Variants in PCM1 observed in about 807,000 individuals in gnomAD.
PCM1 encodes the protein pericentriolar material 1, also known as pericentriolar material 1 protein.
PCM1 carries 157 observed loss-of-function variants against 241.9 expected under a neutral mutation model. That is an observed-to-expected ratio of 0.65 (90% CI 0.57 to 0.74). The LOEUF (loss-of-function observed/expected upper bound fraction) is 0.74. PCM1 is among the 30% of genes least tolerant of loss of function. The pLI, the probability that PCM1 is intolerant of heterozygous loss-of-function variation, is 0.00. For missense variants in PCM1, 3,478 were observed against 2,360.1 expected (o/e 1.47, Z -9.81); for synonymous variants, 1,085 against 784.9 (o/e 1.38, Z -6.39).
intron 36 of PCM1, 165 bp from the exon 37 acceptor site, chr8:18,025,196 A>T: frequency 5.3e-6 from 1 of 189,816 alleles, no homozygotes; most frequent in Non-Finnish European, 9.3e-6. Context: ...CACAGCTGTG[A>T]TTGTAGCTTT....
rs1197059299 is a variant in PCM1 at position 18,006,234 on chromosome 8, A to G, written c.4828-29A>G. ...CTTTTTTTAAACAATAGGTAAGTTT[A>G]TATTCTAACCAACTAGGATTTTTCT... On this transcript the variant is annotated intron_variant, in intron 29 of 38. Coordinates refer to ENST00000325083, the MANE Select transcript of PCM1 (RefSeq NM_006197.4). The G allele has an allele frequency of 5.8e-6, 9 of 1,551,532 alleles. No homozygotes were observed. In the East Asian group the frequency reaches 2.1e-4, roughly 35 times the overall value.
At chr8:18,027,288 T>G (rs1206083422) in intron 38 of PCM1, among the ~76,000 whole-genome samples, 2 of 152,188 alleles carry the variant, frequency 1.3e-5, no homozygotes, top group Admixed American at 1.3e-4. Context: ...TTGGGTATGC[T>G]TCCATCTGCA....
intron 20 of PCM1, 42 bp from the exon 21 acceptor site, chr8:17,966,938 C>A: frequency 6.7e-7 from 1 of 1,499,504 alleles, no homozygotes; most frequent in Non-Finnish European, 9.1e-7. Flanking sequence ...ATATATATGG[C>A]AATATAACTG....
At chr8:18,022,163 G>C (rs118099409) in intron 36 of PCM1, among the ~76,000 whole-genome samples, 2,596 of 152,180 alleles carry the variant, frequency 0.017, 42 homozygotes, top group South Asian at 0.044. Context: ...AGCTTCCTTA[G>C]ACTCTTGGAC....
intron 33 of PCM1, 142 bp from the exon 34 acceptor site, chr8:18,011,525 C>T (rs1041823259): frequency 9.3e-7 from 1 of 1,073,732 alleles, no homozygotes; most frequent in African/African-American, 1.6e-5. Flanking sequence ...ACTTTCTGCA[C>T]TGTAAGTTTT....
chr8:18,003,743 C>T (rs1283790340), intron 29 of PCM1, among the ~76,000 whole-genome samples: 3 of 151,938 alleles, frequency 2.0e-5, no homozygotes, highest in East Asian at 1.9e-4. Flanking sequence ...GAATTTATTT[C>T]CTGTTACTTA....
At position 17,957,566 on chromosome 8, in the gene PCM1, C is replaced by G; in HGVS notation, c.1831C>G (p.Gln611Glu). Residue 611 changes from glutamine (Q) to glutamate (E), a missense_variant, in exon 13 of 39, where the codon CAG (glutamine) becomes GAG (glutamate). Transcript: ENST00000325083. ...TTGTCGATATAATAGAGAAGGGGAA[C>G]AGGAGATTCATGTTGCACAAGGTGA... is the stretch of plus-strand genomic sequence containing the variant. ...LDCRYNREGE[Q>E]EIHVAQGEDD... is the part of the protein sequence containing the mutation. The G allele has an allele frequency of 6.4e-7, 1 of 1,574,524 alleles. No homozygotes were observed. Among genetic ancestry groups the G allele is most frequent in the Admixed American group, 1.9e-5 (1 of 52,808 alleles).
At chr8:17,929,516 C>A (rs76307854) in intron 2 of PCM1, among the ~76,000 whole-genome samples, 1 of 152,200 alleles carries the variant, frequency 6.6e-6, no homozygotes, top group Non-Finnish European at 1.5e-5. Flanking sequence ...ATCAAACTCT[C>A]CATTTCTAAA....
intron 36 of PCM1, among the ~76,000 whole-genome samples, chr8:18,021,897 T>G (rs1371778986): frequency 6.6e-6 from 1 of 152,202 alleles, no homozygotes; most frequent in Non-Finnish European, 1.5e-5. Flanking sequence ...GACTCAATAC[T>G]CTAAGACCTT....
At chr8:17,993,646 G>A (rs769370521) in intron 29 of PCM1, 27 bp downstream of exon 29, 20 of 1,539,708 alleles carry the variant, frequency 1.3e-5, no homozygotes, top group South Asian at 8.5e-5. Flanking sequence ...AAAAATAAAC[G>A]AAACCTTCTA....
intron 23 of PCM1, among the ~76,000 whole-genome samples, chr8:17,972,903 A>G (rs551098270): frequency 1.9e-4 from 29 of 152,294 alleles, no homozygotes; most frequent in South Asian, 1.9e-3. Context: ...GTTGTAAAAC[A>G]TGGCATTTAT....
chr8:18,015,119 T>G (rs1485288039), intron 36 of PCM1, among the ~76,000 whole-genome samples: 1 of 152,206 alleles, frequency 6.6e-6, no homozygotes, highest in Non-Finnish European at 1.5e-5. Context: ...GCATGAATCC[T>G]CCTTTATCCT....
rs369682892 is a variant in PCM1, at chr8:18,026,033, G to A, written c.6049+375G>A. On this transcript the variant is annotated intron_variant, in intron 38 of 38. Transcript: ENST00000325083. ...CAAAAAATCAGCCAAGCGCGGTGGC[G>A]GGCGCCTGTAGTGCCAGCTACTCGG... Among the ~76,000 whole-genome samples the A allele has an allele frequency of 1.6e-4, 24 of 151,222 alleles. No individual in the cohort carries two copies. The Middle Eastern group carries it at 0.014, about 86-fold the overall frequency.
At chr8:17,971,954 G>A (rs1469157924) in intron 22 of PCM1, among the ~76,000 whole-genome samples, 2 of 151,790 alleles carry the variant, frequency 1.3e-5, no homozygotes, top group Admixed American at 6.6e-5. Context: ...CAACTTGTCT[G>A]GGCTGGTCTT....
rs756518062 is a variant in PCM1 at position 18,028,663 on chromosome 8, T to C, written c.*1001T>C. ...TTTAAGTCAGCTTTTGAAAAGTGAT[T>C]GATTTGCTTTTTATCCCAAACTGTC... On this transcript the variant is annotated 3_prime_UTR_variant, in exon 39 of 39. Transcript: ENST00000325083. 5.5e-3 allele frequency: 377 copies of C among 69,082 alleles called. No homozygotes were observed. Among genetic ancestry groups the C allele is most frequent in the Non-Finnish European group, 8.5e-3 (323 of 37,836 alleles). 4.3% of individuals were successfully genotyped at this position (69,082 alleles called of 1,614,324 possible).
rs553543514 is a variant in PCM1, at chr8:18,025,639, TGA to T, written c.6033_6034del (p.Glu2011AspfsTer6). On this transcript the variant is annotated frameshift_variant, in exon 38 of 39. Coordinates refer to ENST00000325083, the MANE Select transcript of PCM1 (RefSeq NM_006197.4). LOFTEE classifies it high-confidence loss of function. ...AGACCGAAGAATTAGCTGGAAATTC[TGA>T]GACACTAAAAGAACCTGGTAAGAGT... ...MQTEELAGNS[E>X]TLKEPETVGA... 5.6e-4 allele frequency: 877 copies of T among 1,562,680 alleles called. 2 individuals are homozygous for T. Among genetic ancestry groups the T allele is most frequent in the Non-Finnish European group, 7.3e-4 (842 of 1,150,206 alleles).
chr8:17,930,910 A>G (rs2058811399), intron 2 of PCM1, among the ~76,000 whole-genome samples: 1 of 152,032 alleles, frequency 6.6e-6, no homozygotes, highest in African/African-American at 2.4e-5. Flanking sequence ...TCCATATGCA[A>G]TTATTTCTTT....
intron 21 of PCM1, among the ~76,000 whole-genome samples, chr8:17,968,886 T>C (rs1347321971): frequency 6.6e-6 from 1 of 151,896 alleles, no homozygotes; most frequent in East Asian, 1.9e-4. Context: ...AAACATCACA[T>C]GAGTAGACTT....
intron 36 of PCM1, among the ~76,000 whole-genome samples, chr8:18,016,779 ATTACCCTTTCACTCTG>A: frequency 6.6e-6 from 1 of 152,198 alleles, no homozygotes; most frequent in Non-Finnish European, 1.5e-5. Context: ...CTTTTGCACA[ATTACCCTTTCACTCTG>A]GACGATGTGA....
Sources: gnomAD v4.1 joint callset for allele counts (sites outside exome capture counted in the v4.1 genomes callset) on GRCh38, gnomAD v4.1.1 for gene constraint, MANE v1.5 for transcripts, NCBI Gene and HGNC (gene_info 2026-07-23, HGNC 2026-07-21) for gene names.